Variants in KDM4B observed in about 807,000 individuals in gnomAD.
KDM4B encodes the protein lysine demethylase 4B, also known as lysine-specific demethylase 4B.
A neutral mutation model predicts 125.2 loss-of-function variants in KDM4B; 32 were observed. That is an observed-to-expected ratio of 0.26 (90% CI 0.19 to 0.34). KDM4B has a LOEUF of 0.34. Among genes scored for constraint, KDM4B ranks in the 10% least tolerant of loss-of-function variants. KDM4B has a pLI of 1.00. For missense variants in KDM4B, 1,190 were observed against 1,577.7 expected (o/e 0.75, Z 4.16); for synonymous variants, 721 against 677.9 (o/e 1.06, Z -0.99).
At chr19:5,112,120 G>T (rs940784869) in intron 10 of KDM4B, 1 of 358,754 alleles carries the variant, frequency 2.8e-6, no homozygotes, top group African/African-American at 2.1e-5. Flanking sequence ...GGGTGTGGTG[G>T]TGTGCGCCTG....
intron 9 of KDM4B, among the ~76,000 whole-genome samples, chr19:5,096,643 A>G (rs1259097870): frequency 6.5e-3 from 761 of 117,848 alleles, no homozygotes; most frequent in Middle Eastern, 0.052. Flanking sequence ...GCGTGTTGCC[A>G]TGGCGCCTGC....
intron 18 of KDM4B, among the ~76,000 whole-genome samples, chr19:5,140,078 G>A (rs1440350707): frequency 6.6e-6 from 1 of 152,232 alleles, no homozygotes; most frequent in African/African-American, 2.4e-5. Context: ...CAGGGTTGCA[G>A]TGGTGTGAGC....
chr19:5,059,080 C>T (rs1234661615), intron 6 of KDM4B, among the ~76,000 whole-genome samples: 1 of 152,146 alleles, frequency 6.6e-6, no homozygotes, highest in Non-Finnish European at 1.5e-5. Context: ...GACCCAGAGT[C>T]GCCCGCCCAC....
chr19:5,041,075 AGGGT>A lies in KDM4B; in HGVS notation c.318-58_318-55del, dbSNP rs1181317624. On this transcript the variant is annotated intron_variant, in intron 4 of 22. Transcript: ENST00000159111. ...GGGTGCCCTGGGTTCCAGGTGGCTGAGGGTGGGCTGCGTAGCACCCAGGCCTCAC... is the reference window on the plus strand; with the variant it reads ...GGGTGCCCTGGGTTCCAGGTGGCTGAGGGCTGCGTAGCACCCAGGCCTCAC... 9.9e-6 allele frequency: 11 copies of A among 1,108,632 alleles called. No individual in the cohort carries two copies. The Admixed American group carries it at 1.9e-4, about 19-fold the overall frequency. The allele number at this position is 1,108,632 out of a possible 1,614,324, so 68.7% of individuals were successfully genotyped here.
intron 1 of KDM4B, among the ~76,000 whole-genome samples, chr19:4,985,353 A>G (rs1188094276): frequency 6.6e-6 from 1 of 152,082 alleles, no homozygotes; most frequent in Non-Finnish European, 1.5e-5. Context: ...ATGACAGTGA[A>G]GTGGAAACAA....
rs201047127 is a variant in KDM4B, at chr19:5,130,066, CG to C, written c.1316-1009del. On this transcript the variant is annotated intron_variant, in intron 11 of 22. Coordinates refer to ENST00000159111, the MANE Select transcript of KDM4B (RefSeq NM_015015.3). ...CTAGAGGCCCCTGCATCCCTCAGCT[CG>C]AGTCCCTTCCTCTCCCTTCACAGGC... Among the ~76,000 whole-genome samples, 18 of 152,300 alleles carry C rather than the reference CG, an allele frequency of 1.2e-4. No homozygotes were observed. The East Asian group carries it at 3.3e-3, about 28-fold the overall frequency.
At chr19:5,017,204 TCTA>T (rs1473196348) in intron 2 of KDM4B, among the ~76,000 whole-genome samples, 1 of 152,202 alleles carries the variant, frequency 6.6e-6, no homozygotes, top group Non-Finnish European at 1.5e-5. Context: ...CCTTTTCTGT[TCTA>T]CTACGATTAG....
chr19:5,048,920 G>T (rs1440649177), intron 6 of KDM4B, among the ~76,000 whole-genome samples: 2 of 152,206 alleles, frequency 1.3e-5, no homozygotes, highest in African/African-American at 4.8e-5. Context: ...TCAGGGACAT[G>T]GGAGGTGGGG....
intron 1 of KDM4B, among the ~76,000 whole-genome samples, chr19:5,004,639 G>A (rs1730790106): frequency 6.6e-6 from 1 of 152,190 alleles, no homozygotes; most frequent in African/African-American, 2.4e-5. Flanking sequence ...GAGAACGCTT[G>A]ACTGTGAGAT....
At position 5,070,794 on chromosome 19, in the gene KDM4B, C is replaced by G. The variant is rs2037922306; in HGVS notation, c.627-216C>G. On this transcript the variant is annotated intron_variant, in intron 6 of 22. Coordinates refer to ENST00000159111, the MANE Select transcript of KDM4B (RefSeq NM_015015.3). The stretch of plus-strand genomic sequence containing the variant: ...ACAAGCCACCGAGCCATGGTCCTCA[C>G]TCCCCGCTCCTCCACCTGCCCCACC... The G allele has an allele frequency of 7.7e-6, 4 of 519,012 alleles. 1 individual carries two copies. Among genetic ancestry groups the G allele is most frequent in the South Asian group, 7.5e-5 (3 of 39,946 alleles). 32.2% of individuals were successfully genotyped at this position (519,012 alleles called of 1,614,324 possible).
intron 1 of KDM4B, among the ~76,000 whole-genome samples, chr19:5,009,763 G>A (rs1039542873): frequency 6.6e-6 from 1 of 151,370 alleles, no homozygotes; most frequent in Non-Finnish European, 1.5e-5. Flanking sequence ...TCAGAGCCTT[G>A]CTCTGTCTCC....
intron 2 of KDM4B, among the ~76,000 whole-genome samples, chr19:5,024,502 C>A (rs1475822157): frequency 1.3e-5 from 2 of 152,134 alleles, no homozygotes; most frequent in Non-Finnish European, 2.9e-5. Flanking sequence ...GTTCCTCCCC[C>A]AGGTTGCAGA....
rs552231348 is a variant in KDM4B at position 5,065,077 on chromosome 19, G to A, written c.627-5933G>A. On this transcript the variant is annotated intron_variant, in intron 6 of 22. Coordinates refer to ENST00000159111, the MANE Select transcript of KDM4B (RefSeq NM_015015.3). ...GCGGGGTCCCTGGGGGTGCTGGGGC[G>A]TCAGCCAGGCAGGCAGTGCCCACAG... Among the ~76,000 whole-genome samples, 7 of 152,288 alleles carry A rather than the reference G, an allele frequency of 4.6e-5. No individual in the cohort carries two copies. The South Asian group carries it at 6.2e-4, about 14-fold the overall frequency.
At chr19:5,120,044 G>A (rs536814077) in intron 11 of KDM4B, among the ~76,000 whole-genome samples, 192 bp downstream of exon 11, 8 of 152,356 alleles carry the variant, frequency 5.3e-5, no homozygotes, top group East Asian at 1.9e-4. Context: ...AAGTGCCTCC[G>A]TCCCCAGAAT....
intron 10 of KDM4B, among the ~76,000 whole-genome samples, chr19:5,118,951 T>C (rs1373167362): frequency 6.6e-6 from 1 of 152,180 alleles, no homozygotes; most frequent in Non-Finnish European, 1.5e-5. Flanking sequence ...CCCTGGGGTG[T>C]GGGCACAGGT....
chr19:5,064,255 G>A (rs371204671), intron 6 of KDM4B, among the ~76,000 whole-genome samples: 18 of 152,344 alleles, frequency 1.2e-4, no homozygotes, highest in East Asian at 7.7e-4. Context: ...ACCTGGTCTC[G>A]GGTACTTCCA....
intron 9 of KDM4B, among the ~76,000 whole-genome samples, chr19:5,088,745 G>A (rs2038592537): frequency 6.7e-6 from 1 of 149,766 alleles, no homozygotes; most frequent in Admixed American, 6.8e-5. Flanking sequence ...AAGAGGCAGA[G>A]GAGCAGGACG....
chr19:5,094,943 G>C (rs2038789210), intron 9 of KDM4B, among the ~76,000 whole-genome samples: 1 of 152,188 alleles, frequency 6.6e-6, no homozygotes, highest in Non-Finnish European at 1.5e-5. Flanking sequence ...CTGTCACCGT[G>C]CAGCTGATGC....
intron 11 of KDM4B, among the ~76,000 whole-genome samples, chr19:5,125,645 G>C (rs971240638): frequency 6.6e-6 from 1 of 152,200 alleles, no homozygotes; most frequent in African/African-American, 2.4e-5. Context: ...TCTGAGGCCT[G>C]TGGCTTCCAC....
Sources: gnomAD v4.1 joint callset for allele counts (sites outside exome capture counted in the v4.1 genomes callset) on GRCh38, gnomAD v4.1.1 for gene constraint, MANE v1.5 for transcripts, NCBI Gene and HGNC (gene_info 2026-07-23, HGNC 2026-07-21) for gene names.